The following UBN1 variants were observed in gnomAD, a reference collection of about 807,000 sequenced individuals.
The protein encoded by UBN1 is ubinuclein-1.
Under a neutral mutation model 108.5 loss-of-function variants are expected in UBN1, and 17 were observed. The observed-to-expected ratio is 0.16, with a 90% CI of 0.11 to 0.24. The LOEUF (loss-of-function observed/expected upper bound fraction) is 0.24. Ranked by LOEUF, UBN1 falls within the 10% of genes least tolerant of loss-of-function variation. The pLI is 1.00. For missense variants in UBN1, 1,595 were observed against 1,394.4 expected, an observed-to-expected ratio of 1.14 and a Z score of -2.29; for synonymous variants, 726 against 564.2, an observed-to-expected ratio of 1.29 and a Z score of -4.07.
chr16:4,871,784 C>T (rs773182711), intron 12 of UBN1, among the ~76,000 whole-genome samples: 3 of 151,982 alleles, frequency 2.0e-5, no homozygotes, highest in African/African-American at 4.8e-5. Context: ...AATGGGGTTT[C>T]ACCGTGTTAG....
At chr16:4,858,942 G>T in intron 4 of UBN1, 83 bp from the exon 5 acceptor site, 1 of 1,538,522 alleles carries the variant, frequency 6.5e-7, no homozygotes, top group Non-Finnish European at 8.8e-7. Context: ...GAGGAGCACA[G>T]TCACATCTCT....
At chr16:4,858,937 G>T (rs751782084) in intron 4 of UBN1, 88 bp from the exon 5 acceptor site, 1 of 1,515,034 alleles carries the variant, frequency 6.6e-7, no homozygotes, top group Admixed American at 2.0e-5. Context: ...TGGCAGAGGA[G>T]CACAGTCACA....
Position 4,875,410 on chromosome 16 carries a change from T to C in UBN1, c.3000T>C (p.Ser1000=). 2 of 1,612,674 alleles carry C rather than the reference T, an allele frequency of 1.2e-6. No individual in the cohort carries two copies. The highest frequency in any genetic ancestry group is 1.7e-6 in the Non-Finnish European group (2 of 1,179,014). Residue 1000 remains serine (S), a synonymous_variant, in exon 15 of 18, where the codon AGT becomes AGC. Transcript: ENST00000262376. The part of the protein sequence containing the change: ...SPSLKPSAVS[S]VTSSTSLSKG... Reference sequence around the variant, plus strand: ...CCCTAAAGCCCTCTGCAGTTAGTAGTGTGACATCGTCTACCTCCTTGTCAG... The same window carrying C: ...CCCTAAAGCCCTCTGCAGTTAGTAGCGTGACATCGTCTACCTCCTTGTCAG...
intron 7 of UBN1, among the ~76,000 whole-genome samples, chr16:4,863,059 A>G (rs1261026295): frequency 6.6e-6 from 1 of 152,184 alleles, no homozygotes; most frequent in Non-Finnish European, 1.5e-5. Context: ...ACTTTGAAAA[A>G]TGGGGTGGAA....
At chr16:4,866,344 T>G (rs2087331508) in intron 7 of UBN1, among the ~76,000 whole-genome samples, 1 of 152,212 alleles carries the variant, frequency 6.6e-6, no homozygotes, top group Non-Finnish European at 1.5e-5. Flanking sequence ...GCGCATTTTC[T>G]TCTGACTTAG....
chr16:4,871,691 G>A (rs551895849), intron 12 of UBN1, among the ~76,000 whole-genome samples: 7 of 144,466 alleles, frequency 4.8e-5, no homozygotes, highest in African/African-American at 1.6e-4. Context: ...GGTTCACGCC[G>A]TTCTCCTGCC....
chr16:4,871,008 T>C (rs966303521), intron 11 of UBN1, 36 bp downstream of exon 11: 2 of 1,612,216 alleles, frequency 1.2e-6, no homozygotes, highest in African/African-American at 1.3e-5. Context: ...CTTTGGAGGG[T>C]TGGTGGGGCA....
intron 17 of UBN1, 133 bp from the exon 18 acceptor site, chr16:4,879,950 T>C (rs1007111184): frequency 9.7e-6 from 9 of 927,974 alleles, no homozygotes; most frequent in African/African-American, 1.6e-5. Flanking sequence ...CATGGCTTGT[T>C]TGAGCTCTAG....
chr16:4,851,946 G>A (rs573097129), intron 1 of UBN1, among the ~76,000 whole-genome samples: 1 of 152,296 alleles, frequency 6.6e-6, no homozygotes, highest in South Asian at 2.1e-4. Flanking sequence ...TATCTATAAT[G>A]TATAATAATT....
rs764006141 is a variant in UBN1 at position 4,861,065 on chromosome 16, C to G, written c.1073C>G (p.Pro358Arg). The G allele has an allele frequency of 6.8e-6, 11 of 1,613,770 alleles. No individual in the cohort carries two copies. The highest frequency in any genetic ancestry group is 1.3e-5 in the African/African-American group (1 of 74,944). ...RQPSSLPEGL[P>R]APLEKRVKEL... is the part of the protein sequence containing the mutation. ...CCCTCTTCTCTCCCCGAAGGCCTGC[C>G]AGCACCCCTGGAGAAGCGCGTTAAG... The change falls in exon 7 of 18, where the codon CCA becomes CGA. Residue 358 changes from proline to arginine, a missense_variant. By Grantham distance (103) the Pro-to-Arg change is moderately radical. Around this residue, in one of 3 missense-constraint regions of UBN1, gnomAD observed 1,398 missense variants for 1,194.7 expected, o/e 1.17. Coordinates refer to ENST00000262376, the MANE Select transcript of UBN1 (RefSeq NM_001079514.3).
intron 12 of UBN1, among the ~76,000 whole-genome samples, chr16:4,871,753 A>G (rs1434278049): frequency 6.6e-6 from 1 of 151,316 alleles, no homozygotes; most frequent in Non-Finnish European, 1.5e-5. Flanking sequence ...TGCCCGGCTA[A>G]TTTTTTGTAT....
Position 4,868,861 on chromosome 16 carries a change from G to A in UBN1, c.1139G>A (p.Arg380Lys). 6.2e-7 allele frequency: 1 copy of A among 1,613,936 alleles called. No individual in the cohort carries two copies. Residue 380 changes from arginine (R) to lysine (K), a missense_variant, in exon 8 of 18, where the codon AGA becomes AAA. Physicochemically the swap from Arg to Lys is conservative, Grantham distance 26. Around this residue, in one of 3 missense-constraint regions of UBN1, gnomAD observed 1,398 missense variants for 1,194.7 expected, o/e 1.17. Coordinates refer to ENST00000262376, the MANE Select transcript of UBN1 (RefSeq NM_001079514.3). Reference protein sequence around the residue: ...QAARAAEGESRQKFFTQDING... With the variant: ...QAARAAEGESKQKFFTQDING... ...GCCAGAGCTGCTGAGGGGGAGAGCAGACAGAAGTTCTTCACCCAGGATATT... is the reference window on the plus strand; with the variant it reads ...GCCAGAGCTGCTGAGGGGGAGAGCAAACAGAAGTTCTTCACCCAGGATATT...
At chr16:4,851,509 T>C (rs1017510249) in intron 1 of UBN1, among the ~76,000 whole-genome samples, 5 of 152,000 alleles carry the variant, frequency 3.3e-5, no homozygotes, top group Admixed American at 6.6e-5. Context: ...AGACGAACAT[T>C]CTAGGCATAA....
rs1165732728 is a variant in UBN1 at position 4,877,723 on chromosome 16, C to CG, written c.3355+255dup. The CG allele has an allele frequency of 1.7e-6, 2 of 1,172,430 alleles. No homozygotes were observed. Among genetic ancestry groups the CG allele is most frequent in the African/African-American group, 1.6e-5 (1 of 61,682 alleles). 72.6% of individuals were successfully genotyped at this position (1,172,430 alleles called of 1,614,324 possible). ...GCCTGTGTGATCACAGGGAAAGTTG[C>CG]GGGGGGCAGGGTGGTGCGCTTTTGT... is the stretch of plus-strand genomic sequence containing the variant. On this transcript the variant is annotated intron_variant, in intron 17 of 17. Transcript: ENST00000262376. This position sits in a 1 kb window ranked among gnomAD's most constrained non-coding sequence, Gnocchi z 4.3.
intron 8 of UBN1, among the ~76,000 whole-genome samples, chr16:4,869,942 A>G (rs901990830): frequency 4.6e-5 from 7 of 152,224 alleles, no homozygotes; most frequent in African/African-American, 1.7e-4. Context: ...TTAGTGCTTC[A>G]GAGCTTGTTC....
Position 4,877,282 on chromosome 16 carries a change from G to A in UBN1, c.3266-103G>A. The stretch of plus-strand genomic sequence containing the variant: ...CCCCTTTGGGTGTGGTGCCCAGACT[G>A]GCCTGGCAGGTTATCGGGGGCTTTT... On this transcript the variant is annotated intron_variant, in intron 16 of 17. Coordinates refer to ENST00000262376, the MANE Select transcript of UBN1 (RefSeq NM_001079514.3). This position sits in a 1 kb window ranked among gnomAD's most constrained non-coding sequence, Gnocchi z 4.3. 1 of 1,528,802 alleles carries A rather than the reference G, an allele frequency of 6.5e-7. No individual in the cohort carries two copies. The highest frequency in any genetic ancestry group is 8.8e-7 in the Non-Finnish European group (1 of 1,132,716). 94.7% of individuals were successfully genotyped at this position (1,528,802 alleles called of 1,614,324 possible).
At chr16:4,873,138 CAGTCA>C (rs1407439611) in intron 14 of UBN1, 65 bp downstream of exon 14, 1 of 1,601,800 alleles carries the variant, frequency 6.2e-7, no homozygotes, top group Admixed American at 1.7e-5. Flanking sequence ...GCTCTGGAAA[CAGTCA>C]AGTGACTGTG....
At chr16:4,853,984 A>G (rs1567887079) in intron 2 of UBN1, among the ~76,000 whole-genome samples, 1 of 152,082 alleles carries the variant, frequency 6.6e-6, no homozygotes, top group East Asian at 1.9e-4. Flanking sequence ...CTCAATACTT[A>G]TGGGCAACCA....
At chr16:4,856,224 G>A (rs923849386) in intron 2 of UBN1, among the ~76,000 whole-genome samples, 1 of 152,120 alleles carries the variant, frequency 6.6e-6, no homozygotes, top group Admixed American at 6.5e-5. Flanking sequence ...ACCTTTTTGG[G>A]GACTACAGAT....
Sources: allele counts gnomAD v4.1 joint callset (sites outside exome capture counted in the v4.1 genomes callset), GRCh38; gene constraint gnomAD v4.1.1; regional missense constraint gnomAD v4.1.1; non-coding constraint Gnocchi (gnomAD v3.1); transcripts MANE v1.5; gene names NCBI Gene and HGNC (gene_info 2026-07-23, HGNC 2026-07-21).